ST18: variants seen among roughly 807,000 people sequenced by gnomAD.
The protein encoded by ST18 is suppression of tumorigenicity 18 protein.
Under a neutral mutation model 110.0 loss-of-function variants are expected in ST18, and 50 were observed. The ratio of observed to expected loss-of-function variants is 0.45; its 90% CI spans 0.36 to 0.58. ST18 has a LOEUF of 0.58. Ranked by LOEUF, ST18 falls within the 20% of genes least tolerant of loss-of-function variation. The probability of loss-of-function intolerance (pLI) is 0.00; values close to 1 mark genes in which losing one functional copy is unlikely to be tolerated. For missense variants in ST18, 1,306 were observed against 1,280.1 expected, an observed-to-expected ratio of 1.02 and a Z score of -0.31; for synonymous variants, 461 against 452.4, an observed-to-expected ratio of 1.02 and a Z score of -0.24.
At position 52,182,024 on chromosome 8, in the gene ST18, T is replaced by A. The variant is rs764017229; in HGVS notation, c.87-1712A>T. On this transcript the variant is annotated intron_variant, in intron 8 of 25. Transcript: ENST00000689386. ...GATAGTTAAAGTATCCTGAGTCAAA[T>A]GAATTTCCACCAAAAAAAATCCTTG... Among the ~76,000 whole-genome samples, 73 of 152,070 alleles carry A rather than the reference T, an allele frequency of 4.8e-4. 2 individuals carry two copies. Among genetic ancestry groups the A allele is most frequent in the Non-Finnish European group, 1.2e-4 (8 of 68,012 alleles).
At chr8:52,138,339 C>T (rs951134853) in intron 17 of ST18, among the ~76,000 whole-genome samples, 3 of 152,182 alleles carry the variant, frequency 2.0e-5, no homozygotes, top group African/African-American at 4.8e-5. Context: ...CACCATTAGC[C>T]TAAGAATAGG....
chr8:52,300,012 G>A (rs1243067333), intron 2 of ST18, among the ~76,000 whole-genome samples: 3 of 152,170 alleles, frequency 2.0e-5, no homozygotes, highest in Non-Finnish European at 4.4e-5. Flanking sequence ...CACTCTTAGG[G>A]CACAAGTTGC....
At chr8:52,334,265 T>A (rs1811009756) in intron 2 of ST18, among the ~76,000 whole-genome samples, 1 of 152,234 alleles carries the variant, frequency 6.6e-6, no homozygotes, top group South Asian at 2.1e-4. Context: ...AAATTTTCAC[T>A]AAAAAATGTT....
chr8:52,245,719 T>C (rs1396500114), intron 2 of ST18, among the ~76,000 whole-genome samples: 1 of 152,138 alleles, frequency 6.6e-6, no homozygotes, highest in East Asian at 1.9e-4. Flanking sequence ...TTAAGAATAT[T>C]TGGAGAACCT....
chr8:52,119,960 A>T lies in ST18; in HGVS notation c.2756-1519T>A, dbSNP rs554008676. Among the ~76,000 whole-genome samples the T allele has an allele frequency of 2.0e-4, 30 of 152,342 alleles. No homozygotes were observed. The South Asian group carries it at 6.2e-3, about 32-fold the overall frequency. ...CCAACATATAAGACTTAGGTACCTT[A>T]GTAGTTAGACCAGTTTAAATATGAG... is the stretch of plus-strand genomic sequence containing the variant. On this transcript the variant is annotated intron_variant, in intron 23 of 25. Coordinates refer to ENST00000689386, the MANE Select transcript of ST18 (RefSeq NM_001352837.2).
intron 8 of ST18, among the ~76,000 whole-genome samples, chr8:52,188,816 G>A (rs2073379891): frequency 6.6e-6 from 1 of 152,166 alleles, no homozygotes; most frequent in Non-Finnish European, 1.5e-5. Context: ...GATGATGGAT[G>A]TAAAAGAGAG....
intron 19 of ST18, among the ~76,000 whole-genome samples, chr8:52,133,756 A>T (rs2050809329): frequency 1.3e-5 from 2 of 151,224 alleles, no homozygotes; most frequent in African/African-American, 4.9e-5. Context: ...TATTGAGACA[A>T]AGTCTCGCTC....
At chr8:52,242,964 G>A (rs2093560471) in intron 2 of ST18, among the ~76,000 whole-genome samples, 1 of 151,886 alleles carries the variant, frequency 6.6e-6, no homozygotes, top group South Asian at 2.1e-4. Context: ...TTCTGCTTGA[G>A]TCTAAAATAC....
At chr8:52,122,220 G>A (rs919512945) in intron 23 of ST18, among the ~76,000 whole-genome samples, 1 of 152,022 alleles carries the variant, frequency 6.6e-6, no homozygotes, top group African/African-American at 2.4e-5. Context: ...AATAGATTAT[G>A]CTTTCTTTTC....
intron 14 of ST18, among the ~76,000 whole-genome samples, chr8:52,160,350 T>C (rs549443083): frequency 2.6e-4 from 39 of 152,346 alleles, no homozygotes; most frequent in African/African-American, 7.0e-4. Flanking sequence ...TAGAATGTAA[T>C]GTACCTCTCC....
At chr8:52,315,168 T>C (rs1295546067) in intron 2 of ST18, among the ~76,000 whole-genome samples, 1 of 152,180 alleles carries the variant, frequency 6.6e-6, no homozygotes, top group Non-Finnish European at 1.5e-5. Context: ...TTATATCCTA[T>C]TTCCACCCTT....
At chr8:52,394,647 A>G (rs910036804) in intron 2 of ST18, among the ~76,000 whole-genome samples, 2 of 152,220 alleles carry the variant, frequency 1.3e-5, no homozygotes, top group Non-Finnish European at 2.9e-5. Flanking sequence ...TGGGAAGGGA[A>G]GTTATAAAAC....
At position 52,275,346 on chromosome 8, in the gene ST18, A is replaced by G. The variant is rs541193876; in HGVS notation, c.-464-45269T>C. 3.3e-5 allele frequency among the ~76,000 whole-genome samples: 5 copies of G among 152,340 alleles called. No homozygotes were observed. In the South Asian group the frequency reaches 1.0e-3, roughly 32 times the overall value. On this transcript the variant is annotated intron_variant, in intron 2 of 25. Transcript: ENST00000689386. ...TATGTCCTTTTAAAAAGTAAATTAT[A>G]AATAAAATGAGACGGATGACTTTTG... is the stretch of plus-strand genomic sequence containing the variant.
chr8:52,201,692 C>G (rs559479533), intron 8 of ST18, among the ~76,000 whole-genome samples: 84 of 152,356 alleles, frequency 5.5e-4, no homozygotes, highest in Non-Finnish European at 1.0e-3. Context: ...GCCCAGCCTT[C>G]AGTTTCGTCT....
chr8:52,236,142 G>A (rs553502123), intron 2 of ST18, among the ~76,000 whole-genome samples: 41 of 152,282 alleles, frequency 2.7e-4, no homozygotes, highest in Non-Finnish European at 4.9e-4. Flanking sequence ...TGAATCAGAG[G>A]AGGCTTCCAG....
chr8:52,130,101 A>G (rs2048692108), intron 22 of ST18, among the ~76,000 whole-genome samples: 1 of 126,708 alleles, frequency 7.9e-6, no homozygotes, highest in Non-Finnish European at 1.7e-5. Context: ...AGAAAAAGAA[A>G]GAAAGAAAGA....
In ST18 at chr8:52,212,124, A is replaced by AG; in HGVS notation, c.56-16dup. ...ATCCATTGGCACTGTTGACAAAAGAAGAAAAAAAAGAAGACTTAATCAGTT... is the reference window on the plus strand; with the variant it reads ...ATCCATTGGCACTGTTGACAAAAGAAGGAAAAAAAAGAAGACTTAATCAGTT... On this transcript the variant is annotated splice_polypyrimidine_tract_variant and intron_variant, in intron 7 of 25. Transcript: ENST00000689386. 6.3e-7 allele frequency: 1 copy of AG among 1,596,128 alleles called. No individual in the cohort carries two copies. The highest frequency in any genetic ancestry group is 8.5e-7 in the Non-Finnish European group (1 of 1,176,186).
intron 2 of ST18, among the ~76,000 whole-genome samples, chr8:52,345,810 G>A (rs1185958093): frequency 1.3e-5 from 2 of 152,104 alleles, no homozygotes; most frequent in Non-Finnish European, 2.9e-5. Flanking sequence ...CTGCTTACTA[G>A]AAAGCAAAGA....
intron 3 of ST18, among the ~76,000 whole-genome samples, chr8:52,227,995 A>G (rs1004145944): frequency 2.0e-4 from 31 of 152,212 alleles, no homozygotes; most frequent in Non-Finnish European, 8.8e-5. Context: ...AACACTTTTC[A>G]GATGCTTGAG....
Sources: gnomAD v4.1 joint callset for allele counts (sites outside exome capture counted in the v4.1 genomes callset) on GRCh38, gnomAD v4.1.1 for gene constraint, MANE v1.5 for transcripts, NCBI Gene and HGNC (gene_info 2026-07-23, HGNC 2026-07-21) for gene names.